CACNA2D3: variants seen among roughly 807,000 people sequenced by gnomAD.
The protein encoded by CACNA2D3 is voltage-dependent calcium channel subunit alpha-2/delta-3.
In CACNA2D3, 60 loss-of-function variants were observed where a neutral mutation model predicts 160.6. The ratio of observed to expected loss-of-function variants is 0.37; its 90% CI spans 0.30 to 0.46. The LOEUF (loss-of-function observed/expected upper bound fraction) is 0.46. Ranked by LOEUF, CACNA2D3 falls within the 20% of genes least tolerant of loss-of-function variation. The probability of loss-of-function intolerance (pLI) is 1.00; values close to 1 mark genes in which losing one functional copy is unlikely to be tolerated. For missense variants in CACNA2D3, 1,205 were observed against 1,365.0 expected, an observed-to-expected ratio of 0.88 and a Z score of 1.85; for synonymous variants, 558 against 492.9, an observed-to-expected ratio of 1.13 and a Z score of -1.75.
intron 17 of CACNA2D3, among the ~76,000 whole-genome samples, chr3:54,858,293 G>T (rs532002643): frequency 1.3e-5 from 2 of 152,220 alleles, no homozygotes; most frequent in Admixed American, 6.5e-5. Flanking sequence ...GGATGTGAGT[G>T]CTGGCTTCTA....
At chr3:54,820,139 G>T (rs74666808) in intron 14 of CACNA2D3, among the ~76,000 whole-genome samples, 5 of 152,204 alleles carry the variant, frequency 3.3e-5, no homozygotes, top group African/African-American at 1.2e-4. Flanking sequence ...GGTCATGAGC[G>T]CATACGTTGT....
intron 27 of CACNA2D3, chr3:54,925,062 G>A (rs201350786): frequency 1.6e-4 from 253 of 1,614,080 alleles, no homozygotes; most frequent in South Asian, 1.8e-4. Context: ...TAAATGCAGC[G>A]TTCGAGTCTG....
At chr3:54,577,401 C>G (rs2106732627) in intron 8 of CACNA2D3, among the ~76,000 whole-genome samples, 1 of 152,266 alleles carries the variant, frequency 6.6e-6, no homozygotes, top group East Asian at 1.9e-4. Flanking sequence ...ATGGGCTTGT[C>G]TTGGGTACAT....
chr3:54,693,029 AAACCACC>A (rs767757079), intron 11 of CACNA2D3, among the ~76,000 whole-genome samples: 28 of 152,020 alleles, frequency 1.8e-4, no homozygotes, highest in African/African-American at 5.8e-4. Flanking sequence ...TGTAAAAAAA[AAACCACC>A]ACCACCACCA....
chr3:54,425,858 G>C (rs1699904894), intron 4 of CACNA2D3, among the ~76,000 whole-genome samples: 1 of 152,188 alleles, frequency 6.6e-6, no homozygotes. Flanking sequence ...TGGAGGTCTG[G>C]CTCAATGAGT....
intron 27 of CACNA2D3, among the ~76,000 whole-genome samples, chr3:54,966,530 CAT>C (rs913182458): frequency 3.9e-5 from 6 of 152,184 alleles, no homozygotes; most frequent in African/African-American, 1.4e-4. Context: ...ACTTTTAAAA[CAT>C]ACCCAAGCCA....
chr3:54,728,697 T>C (rs1173989166), intron 11 of CACNA2D3, among the ~76,000 whole-genome samples: 1 of 152,202 alleles, frequency 6.6e-6, no homozygotes, highest in Non-Finnish European at 1.5e-5. Context: ...GCAAATAGAA[T>C]ACAGGCAAAG....
At chr3:54,209,692 G>C (rs1701337679) in intron 2 of CACNA2D3, among the ~76,000 whole-genome samples, 1 of 152,150 alleles carries the variant, frequency 6.6e-6, no homozygotes, top group Non-Finnish European at 1.5e-5. Flanking sequence ...TTCAAACCTG[G>C]ACTCAAGCAG....
intron 12 of CACNA2D3, among the ~76,000 whole-genome samples, chr3:54,758,044 G>A (rs758826139): frequency 3.4e-4 from 52 of 152,316 alleles, no homozygotes; most frequent in Middle Eastern, 3.4e-3. Context: ...AATTAACAAA[G>A]GCCAGAGCTG....
intron 11 of CACNA2D3, among the ~76,000 whole-genome samples, chr3:54,721,635 C>T (rs981979721): frequency 3.3e-5 from 5 of 151,838 alleles, no homozygotes; most frequent in African/African-American, 1.2e-4. Flanking sequence ...GTGGTAGGCA[C>T]CTGTAATCCC....
chr3:54,311,925 T>C (rs1703752009), intron 2 of CACNA2D3, among the ~76,000 whole-genome samples: 1 of 152,116 alleles, frequency 6.6e-6, no homozygotes, highest in African/African-American at 2.4e-5. Context: ...TGTGGCTGTT[T>C]CAGAGCTTGA....
At chr3:54,541,008 T>A (rs1701963795) in intron 5 of CACNA2D3, among the ~76,000 whole-genome samples, 1 of 152,106 alleles carries the variant, frequency 6.6e-6, no homozygotes, top group Non-Finnish European at 1.5e-5. Context: ...CCGAGCGTGG[T>A]GGCTCACGCC....
intron 14 of CACNA2D3, among the ~76,000 whole-genome samples, chr3:54,817,693 G>A (rs1372028824): frequency 6.6e-6 from 1 of 152,198 alleles, no homozygotes; most frequent in Non-Finnish European, 1.5e-5. Flanking sequence ...TTAGAGCAGA[G>A]GTGATTTGGT....
chr3:54,983,676 G>A (rs946204707), intron 29 of CACNA2D3, among the ~76,000 whole-genome samples: 5 of 152,148 alleles, frequency 3.3e-5, no homozygotes, highest in African/African-American at 1.2e-4. Context: ...CTGCCCTTTT[G>A]TGCCTAACCA....
intron 10 of CACNA2D3, among the ~76,000 whole-genome samples, chr3:54,641,481 A>T (rs551223700): frequency 6.6e-6 from 1 of 152,330 alleles, no homozygotes; most frequent in Non-Finnish European, 1.5e-5. Flanking sequence ...ATCTCTTTTC[A>T]GACCTGAAAA....
At chr3:54,764,439 C>T (rs1702180239) in intron 13 of CACNA2D3, 88 bp downstream of exon 13, 7 of 1,494,306 alleles carry the variant, frequency 4.7e-6, no homozygotes, top group Middle Eastern at 3.9e-4. Context: ...CTGTATCACT[C>T]TTATTTTTTG....
At chr3:54,825,683 G>A (rs891969845) in intron 14 of CACNA2D3, among the ~76,000 whole-genome samples, 2 of 152,102 alleles carry the variant, frequency 1.3e-5, no homozygotes, top group African/African-American at 2.4e-5. Flanking sequence ...AGCAACCCAG[G>A]AAATAAACAT....
chr3:54,742,499 T>C (rs770595173), intron 11 of CACNA2D3, among the ~76,000 whole-genome samples: 14 of 152,140 alleles, frequency 9.2e-5, no homozygotes, highest in Non-Finnish European at 1.3e-4. Context: ...AGACTCAGAT[T>C]CTCAATATGG....
At chr3:54,766,293 A>C (rs1463293367) in intron 13 of CACNA2D3, among the ~76,000 whole-genome samples, 2 of 152,204 alleles carry the variant, frequency 1.3e-5, no homozygotes, top group African/African-American at 4.8e-5. Context: ...AGAAACTCCC[A>C]AAATTGCTAT....
Sources: allele counts gnomAD v4.1 joint callset (sites outside exome capture counted in the v4.1 genomes callset), GRCh38; gene constraint gnomAD v4.1.1; transcripts MANE v1.5; gene names NCBI Gene and HGNC (gene_info 2026-07-23, HGNC 2026-07-21).